The following NRXN1 variants were observed in gnomAD, a reference collection of about 807,000 sequenced individuals.
The protein encoded by NRXN1 is neurexin 1, also known as neurexin-1.
Under a neutral mutation model 150.9 loss-of-function variants are expected in NRXN1, and 39 were observed. That is an observed-to-expected ratio of 0.26 (90% CI 0.20 to 0.34). NRXN1 has a LOEUF of 0.34. NRXN1 is among the 10% of genes least tolerant of loss of function. The probability of loss-of-function intolerance (pLI) is 1.00; values close to 1 mark genes in which losing one functional copy is unlikely to be tolerated. For synonymous variants in NRXN1, 924 were observed against 757.0 expected (o/e 1.22, Z -3.62); for missense variants, 1,815 against 1,949.9 (o/e 0.93, Z 1.30).
chr2:50,248,284 G>A (rs1033789380), intron 17 of NRXN1, among the ~76,000 whole-genome samples: 2 of 152,160 alleles, frequency 1.3e-5, no homozygotes, highest in African/African-American at 4.8e-5. Context: ...GAAGTGCTGG[G>A]ATTCTGGGTG....
chr2:50,137,360 T>C (rs530502711), intron 18 of NRXN1, among the ~76,000 whole-genome samples: 25 of 152,270 alleles, frequency 1.6e-4, no homozygotes, highest in Admixed American at 5.9e-4. Context: ...CTACAGCTAC[T>C]ACCGTTTGGA....
At chr2:50,059,642 G>A (rs1043335428) in intron 19 of NRXN1, among the ~76,000 whole-genome samples, 2 of 152,290 alleles carry the variant, frequency 1.3e-5, no homozygotes, top group African/African-American at 4.8e-5. Context: ...CAAGCCAGGA[G>A]GCCTAGGAGG....
chr2:50,179,151 A>G (rs1020678755), intron 18 of NRXN1, among the ~76,000 whole-genome samples: 9 of 152,162 alleles, frequency 5.9e-5, no homozygotes, highest in Admixed American at 1.3e-4. Context: ...ATGTCCTAAG[A>G]TATTTTAATA....
At chr2:50,329,348 C>T (rs374323538) in intron 17 of NRXN1, among the ~76,000 whole-genome samples, 4 of 150,486 alleles carry the variant, frequency 2.7e-5, no homozygotes, top group South Asian at 2.1e-4. Context: ...ACAGTTAAAA[C>T]GATGAGGGTT....
chr2:50,199,059 C>G (rs928406390), intron 18 of NRXN1: 13 of 152,162 alleles, frequency 8.5e-5, no homozygotes, highest in African/African-American at 2.7e-4. Flanking sequence ...AATCAGTCCT[C>G]TCTGTGCTAC....
At chr2:49,998,726 C>T (rs187448207) in intron 21 of NRXN1, among the ~76,000 whole-genome samples, 2 of 152,134 alleles carry the variant, frequency 1.3e-5, no homozygotes, top group East Asian at 3.9e-4. Flanking sequence ...TATTCTACGT[C>T]GCTGCGATAC....
At chr2:50,074,101 GT>G (rs1282547431) in intron 19 of NRXN1, among the ~76,000 whole-genome samples, 1 of 151,996 alleles carries the variant, frequency 6.6e-6, no homozygotes, top group Admixed American at 6.6e-5. Context: ...AAAATTATAG[GT>G]TGCCAGATTT....
intron 22 of NRXN1, among the ~76,000 whole-genome samples, chr2:49,935,507 T>G (rs891565145): frequency 6.6e-6 from 1 of 152,180 alleles, no homozygotes; most frequent in Non-Finnish European, 1.5e-5. Context: ...TCTTATAACA[T>G]TTTGTTTATG....
At chr2:50,781,578 A>G (rs1704356659) in intron 5 of NRXN1, among the ~76,000 whole-genome samples, 1 of 152,320 alleles carries the variant, frequency 6.6e-6, no homozygotes, top group South Asian at 2.1e-4. Context: ...TCACGACAAC[A>G]GTAACACACC....
At position 50,053,566 on chromosome 2, in the gene NRXN1, C is replaced by T; in HGVS notation, c.3833G>A (p.Ser1278Asn). The part of the protein sequence containing the change: ...DKGRQLTIFN[S>N]QATIIIGGKE... The stretch of plus-strand genomic sequence containing the variant: ...CCCGCCAATTATTATGGTTGCTTGG[C>T]TATTGAAGATTGTGAGCTGACGCCC... The change falls in exon 21 of 23, where the codon AGC becomes AAC. Residue 1278 changes from serine (S) to asparagine (N), a missense_variant. Around this residue, in one of 6 missense-constraint regions of NRXN1, gnomAD observed 265 missense variants for 307.1 expected, o/e 0.86. Transcript: ENST00000401669. 1 of 1,613,998 alleles carries T rather than the reference C, an allele frequency of 6.2e-7. No individual in the cohort carries two copies. Among genetic ancestry groups the T allele is most frequent in the Non-Finnish European group, 8.5e-7 (1 of 1,179,920 alleles).
At chr2:50,647,630 C>T (rs931466683) in intron 5 of NRXN1, among the ~76,000 whole-genome samples, 2 of 151,908 alleles carry the variant, frequency 1.3e-5, no homozygotes, top group African/African-American at 2.4e-5. Flanking sequence ...TACTCTTGTC[C>T]TCATAATTCC....
intron 17 of NRXN1, among the ~76,000 whole-genome samples, chr2:50,287,318 T>G (rs2072320575): frequency 6.6e-6 from 1 of 152,112 alleles, no homozygotes; most frequent in South Asian, 2.1e-4. Flanking sequence ...AATCCTTCTT[T>G]ATGGATTTTA....
chr2:50,229,284 C>G (rs1013319373), intron 18 of NRXN1, among the ~76,000 whole-genome samples: 2 of 151,598 alleles, frequency 1.3e-5, no homozygotes, highest in African/African-American at 4.8e-5. Flanking sequence ...ATTTTGTAAC[C>G]GCTACTGCCA....
chr2:50,859,643 G>A (rs1353584439), intron 5 of NRXN1, among the ~76,000 whole-genome samples: 1 of 151,510 alleles, frequency 6.6e-6, no homozygotes, highest in Non-Finnish European at 1.5e-5. Flanking sequence ...TGGAAAGGTG[G>A]TCTGGGACAG....
intron 5 of NRXN1, among the ~76,000 whole-genome samples, chr2:50,771,969 G>A (rs1292150819): frequency 2.0e-5 from 3 of 152,030 alleles, no homozygotes; most frequent in South Asian, 4.1e-4. Flanking sequence ...GCAGGTAAGG[G>A]TCTAAAGAAT....
At chr2:50,353,839 T>C (rs1293905008) in intron 17 of NRXN1, among the ~76,000 whole-genome samples, 2 of 152,150 alleles carry the variant, frequency 1.3e-5, no homozygotes, top group African/African-American at 2.4e-5. Context: ...GCTCAAACTT[T>C]AGTGTGCATA....
In NRXN1 at chr2:49,943,732, G is replaced by T. The variant is rs1291418922; in HGVS notation, c.4188C>A (p.Asp1396Glu). The T allele has an allele frequency of 1.2e-6, 2 of 1,612,280 alleles. No homozygotes were observed. Among genetic ancestry groups the T allele is most frequent in the Admixed American group, 1.7e-5 (1 of 59,788 alleles). Residue 1396 changes from aspartate (D) to glutamate (E), a missense_variant, in exon 22 of 23, where the codon GAC (aspartate) becomes GAA (glutamate). By Grantham distance (45) the Asp-to-Glu change is conservative. Coordinates refer to ENST00000401669, the MANE Select transcript of NRXN1 (RefSeq NM_001330078.2). ...ACCCACCTGAGCTCGGCTCACAGGG[G>T]TCAATGTCCTCATCATCGCTGGGAC... The part of the protein sequence containing the change: ...AECPSDDEDI[D>E]PCEPSSGGLA...
At position 50,550,745 on chromosome 2, in the gene NRXN1, G is replaced by C. The variant is rs189338697; in HGVS notation, c.1759+1842C>G. On this transcript the variant is annotated intron_variant, in intron 9 of 22. Transcript: ENST00000401669. ...CTCCCAGGCTGGAGTGCCGCGGCCC[G>C]ATCTCGGCTCACTGCAAAATCCGCC... is the stretch of plus-strand genomic sequence containing the variant. 3.4e-3 allele frequency among the ~76,000 whole-genome samples: 514 copies of C among 149,256 alleles called. 5 individuals carry two copies. Among genetic ancestry groups the C allele is most frequent in the African/African-American group, 0.012 (478 of 39,820 alleles).
intron 17 of NRXN1, among the ~76,000 whole-genome samples, chr2:50,377,032 T>C (rs940336963): frequency 2.0e-5 from 3 of 152,074 alleles, no homozygotes; most frequent in Non-Finnish European, 4.4e-5. Context: ...CACGTCATTA[T>C]TGACCATTTT....
Sources: gnomAD v4.1 joint callset for allele counts (sites outside exome capture counted in the v4.1 genomes callset) on GRCh38, gnomAD v4.1.1 for gene constraint, gnomAD v4.1.1 regional missense constraint, MANE v1.5 for transcripts, NCBI Gene and HGNC (gene_info 2026-07-23, HGNC 2026-07-21) for gene names.